The following NMNAT2 variants were observed in gnomAD, a reference collection of about 807,000 sequenced individuals.
NMNAT2 encodes the protein nicotinamide nucleotide adenylyltransferase 2.
Under a neutral mutation model 41.6 loss-of-function variants are expected in NMNAT2, and 11 were observed. That is an observed-to-expected ratio of 0.26 (90% CI 0.17 to 0.44). The LOEUF is 0.44. Ranked by LOEUF, NMNAT2 falls within the 20% of genes least tolerant of loss-of-function variation. The pLI is 1.00. For synonymous variants in NMNAT2, 148 were observed against 151.2 expected (o/e 0.98, Z 0.16); for missense variants, 288 against 407.7 (o/e 0.71, Z 2.53).
At chr1:183,279,638 G>A (rs1661210112) in intron 7 of NMNAT2, among the ~76,000 whole-genome samples, 1 of 152,160 alleles carries the variant, frequency 6.6e-6, no homozygotes, top group Non-Finnish European at 1.5e-5. Context: ...ACCTGACGAA[G>A]GCTTTCAGGT....
intron 8 of NMNAT2, among the ~76,000 whole-genome samples, chr1:183,275,669 GTATTTTATT>G (rs563185523): frequency 0.084 from 734 of 8,750 alleles, 4 homozygotes; most frequent in South Asian, 0.17. Context: ...GAGCATTTCC[GTATTTTATT>G]TATTTTATTT....
At chr1:183,374,530 C>G (rs908807998) in intron 1 of NMNAT2, among the ~76,000 whole-genome samples, 2 of 152,150 alleles carry the variant, frequency 1.3e-5, no homozygotes, top group Non-Finnish European at 2.9e-5. Context: ...GAGATGAAAG[C>G]AAAATAAATG....
At chr1:183,402,786 G>C (rs938748453) in intron 1 of NMNAT2, among the ~76,000 whole-genome samples, 1 of 152,150 alleles carries the variant, frequency 6.6e-6, no homozygotes, top group Non-Finnish European at 1.5e-5. Flanking sequence ...CTTTGGACAG[G>C]TTCCCTCTGG....
At chr1:183,330,101 C>A (rs934075114) in intron 1 of NMNAT2, among the ~76,000 whole-genome samples, 2 of 152,184 alleles carry the variant, frequency 1.3e-5, no homozygotes, top group Non-Finnish European at 2.9e-5. Flanking sequence ...GGTTCAAATC[C>A]CAGCTCTACC....
Position 183,352,581 on chromosome 1 carries a change from A to AAAC in NMNAT2, c.86-58789_86-58788insGTT, listed in dbSNP as rs1422414046. 2.7e-5 allele frequency among the ~76,000 whole-genome samples: 4 copies of AAAC among 148,334 alleles called. No individual in the cohort carries two copies. The East Asian group carries it at 7.9e-4, about 29-fold the overall frequency. On this transcript the variant is annotated intron_variant, in intron 1 of 10. Coordinates refer to ENST00000287713, the MANE Select transcript of NMNAT2 (RefSeq NM_015039.4). The stretch of plus-strand genomic sequence containing the variant: ...CTGTCTCAAAAAAAAAAAAAAAAAA[A>AAAC]AAAAAGAGATTTGTGAGTGAGAATT...
At chr1:183,329,539 T>C (rs544431994) in intron 1 of NMNAT2, among the ~76,000 whole-genome samples, 3 of 152,342 alleles carry the variant, frequency 2.0e-5, no homozygotes, top group Non-Finnish European at 2.9e-5. Context: ...AATTTCTTAC[T>C]GAGCCTGCCA....
intron 8 of NMNAT2, among the ~76,000 whole-genome samples, chr1:183,272,366 C>T (rs999221975): frequency 6.6e-6 from 1 of 152,148 alleles, no homozygotes. Flanking sequence ...TTCTGATCTC[C>T]GAGGCTGGTC....
At chr1:183,363,645 A>C (rs1663355597) in intron 1 of NMNAT2, among the ~76,000 whole-genome samples, 3 of 152,068 alleles carry the variant, frequency 2.0e-5, no homozygotes, top group African/African-American at 7.2e-5. Flanking sequence ...GATAAATACA[A>C]ACTGTTTCAG....
chr1:183,411,152 C>T (rs1247297550), intron 1 of NMNAT2, among the ~76,000 whole-genome samples: 1 of 152,156 alleles, frequency 6.6e-6, no homozygotes, highest in Non-Finnish European at 1.5e-5. Flanking sequence ...TTACCTCATT[C>T]TCACCTCTTT....
intron 1 of NMNAT2, among the ~76,000 whole-genome samples, chr1:183,326,549 A>C (rs923954137): frequency 1.3e-5 from 2 of 152,164 alleles, no homozygotes; most frequent in Non-Finnish European, 2.9e-5. Context: ...CAGCATGTGC[A>C]AAGGCTCCAG....
intron 8 of NMNAT2, among the ~76,000 whole-genome samples, chr1:183,262,521 C>T (rs1053778248): frequency 1.3e-5 from 2 of 152,052 alleles, no homozygotes; most frequent in Admixed American, 6.5e-5. Context: ...AAAACATAAC[C>T]TTTAATAATC....
intron 1 of NMNAT2, among the ~76,000 whole-genome samples, chr1:183,326,180 A>T (rs780889403): frequency 4.6e-5 from 7 of 152,106 alleles, no homozygotes; most frequent in Admixed American, 2.0e-4. Context: ...GTTCAAGACC[A>T]GCCTGGCCAA....
At chr1:183,319,050 A>G (rs1557876808) in intron 1 of NMNAT2, among the ~76,000 whole-genome samples, 1 of 152,202 alleles carries the variant, frequency 6.6e-6, no homozygotes, top group Non-Finnish European at 1.5e-5. Flanking sequence ...GTGGGGACAC[A>G]GGCGTGTGCA....
chr1:183,284,718 G>C lies in NMNAT2; in HGVS notation c.521C>G (p.Thr174Ser). ...GTTCCTTGGTTCCTCACCTACAAAGGTGAAACGCTCCACCGGCGGGCGGAC... is the reference window on the plus strand; with the variant it reads ...GTTCCTTGGTTCCTCACCTACAAAGCTGAAACGCTCCACCGGCGGGCGGAC... ...CCVRPPVERF[T>S]FVDENANLGT... Residue 174 changes from threonine (T) to serine (S), a missense_variant, in exon 6 of 11, where the codon ACC becomes AGC. Around this residue, in one of 3 missense-constraint regions of NMNAT2, gnomAD observed 181 missense variants for 213.7 expected, o/e 0.85. Transcript: ENST00000287713. The C allele has an allele frequency of 6.2e-7, 1 of 1,613,972 alleles. No homozygotes were observed. Among genetic ancestry groups the C allele is most frequent in the Non-Finnish European group, 8.5e-7 (1 of 1,179,824 alleles).
intron 1 of NMNAT2, among the ~76,000 whole-genome samples, chr1:183,364,791 A>C (rs1663381939): frequency 6.6e-6 from 1 of 152,066 alleles, no homozygotes; most frequent in Non-Finnish European, 1.5e-5. Flanking sequence ...TCCCAGGTTC[A>C]AGCGATTCTC....
chr1:183,385,653 C>T (rs1412428145), intron 1 of NMNAT2, among the ~76,000 whole-genome samples: 1 of 151,822 alleles, frequency 6.6e-6, no homozygotes, highest in Non-Finnish European at 1.5e-5. Flanking sequence ...CATTGCCTGT[C>T]CTCACTTCAT....
At chr1:183,286,572 C>A in intron 5 of NMNAT2, 90 bp downstream of exon 5, 1 of 1,138,238 alleles carries the variant, frequency 8.8e-7, no homozygotes, top group Non-Finnish European at 1.2e-6. Context: ...CCTACTGAAT[C>A]AAGTTCTGGG....
At chr1:183,313,174 G>C (rs1355416400) in intron 1 of NMNAT2, among the ~76,000 whole-genome samples, 1 of 150,338 alleles carries the variant, frequency 6.7e-6, no homozygotes, top group East Asian at 2.0e-4. Context: ...GCATACTATA[G>C]GATACCAAAG....
chr1:183,291,693 C>T (rs369102334), intron 3 of NMNAT2, among the ~76,000 whole-genome samples: 2 of 152,146 alleles, frequency 1.3e-5, no homozygotes, highest in East Asian at 3.9e-4. Context: ...TTCAAGGTCC[C>T]CAGCATCCCC....
Sources: allele counts gnomAD v4.1 joint callset (sites outside exome capture counted in the v4.1 genomes callset), GRCh38; gene constraint gnomAD v4.1.1; regional missense constraint gnomAD v4.1.1; transcripts MANE v1.5; gene names NCBI Gene and HGNC (gene_info 2026-07-23, HGNC 2026-07-21).